Variants in KCNQ1OT1 observed in about 807,000 individuals in gnomAD.
The protein encoded by KCNQ1OT1 is KCNQ1 antisense RNA 2 (non-protein coding).
At position 2,682,925 on chromosome 11, in the gene KCNQ1OT1, T is replaced by C. The variant is rs60837062; in HGVS notation, n.17070A>G. The C allele has an allele frequency of 0.02, 7,992 of 398,566 alleles. 188 individuals are homozygous for C. The highest frequency in any genetic ancestry group is 0.063 in the South Asian group (491 of 7,844). The allele number at this position is 398,566 out of a possible 1,614,324, so 24.7% of individuals were successfully genotyped here. A position where few individuals can be genotyped will look rare whatever the true frequency, so the allele number is the denominator to read the frequency against. The stretch of plus-strand genomic sequence containing the variant: ...AAAATGGTGGCACCTGGAGAGGTGC[T>C]CAGGTCTGTGTGGAAGAAAGGACAG... On this transcript the variant is annotated non_coding_transcript_exon_variant, in exon 1 of 1. Coordinates refer to ENST00000597346, the Ensembl canonical transcript of KCNQ1OT1. The surrounding 1 kb of genome is among the most constrained non-coding windows in gnomAD (Gnocchi z 5.8).
chr11:2,663,550 T>C lies in KCNQ1OT1; in HGVS notation n.36445A>G, dbSNP rs144058901. The C allele has an allele frequency of 2.9e-3, 1,162 of 398,658 alleles. 7 individuals are homozygous for C. Among genetic ancestry groups the C allele is most frequent in the Non-Finnish European group, 2.9e-3 (645 of 226,098 alleles). 24.7% of individuals were successfully genotyped at this position (398,658 alleles called of 1,614,324 possible). A position where few individuals can be genotyped will look rare whatever the true frequency, so the allele number is the denominator to read the frequency against. On this transcript the variant is annotated non_coding_transcript_exon_variant, in exon 1 of 1. Coordinates refer to ENST00000597346, the Ensembl canonical transcript of KCNQ1OT1. This position sits in a 1 kb window ranked among gnomAD's most constrained non-coding sequence, Gnocchi z 5.2. Reference sequence around the variant, plus strand: ...CCCTCAGAGAGGGGACTGTCCCTTCTCATCCTTCTGGCTGCTTGCTTCTCC... The same window carrying C: ...CCCTCAGAGAGGGGACTGTCCCTTCCCATCCTTCTGGCTGCTTGCTTCTCC...
chr11:2,657,011 C>G lies in KCNQ1OT1; in HGVS notation n.42984G>C. 1 of 398,632 alleles carries G rather than the reference C, an allele frequency of 2.5e-6. No individual in the cohort carries two copies. Among genetic ancestry groups the G allele is most frequent in the South Asian group, 1.3e-4 (1 of 7,856 alleles). The allele number at this position is 398,632 out of a possible 1,614,324, so 24.7% of individuals were successfully genotyped here. A position where few individuals can be genotyped will look rare whatever the true frequency, so the allele number is the denominator to read the frequency against. On this transcript the variant is annotated non_coding_transcript_exon_variant, in exon 1 of 1. Transcript: ENST00000597346. This position sits in a 1 kb window ranked among gnomAD's most constrained non-coding sequence, Gnocchi z 4.8. ...TCTTCCCAGGATGTGCAGGCCACCT[C>G]TGATACACAGCAAGCTTCCATATTT...
chr11:2,643,615 CT>C (rs1002428019), exon 1 of KCNQ1OT1: 1 of 398,316 alleles, frequency 2.5e-6, no homozygotes, highest in African/African-American at 2.1e-5. Context: ...GCCAGTCTGT[CT>C]TTTAAGTAGA....
At position 2,654,227 on chromosome 11, in the gene KCNQ1OT1, G is replaced by A. The variant is rs542701815; in HGVS notation, n.45768C>T. ...ACGCAGGGCCTGGCTGCAGCTGTCCGGATGCCCCTGGGGAGGGCTTCTCCT... is the reference window on the plus strand; with the variant it reads ...ACGCAGGGCCTGGCTGCAGCTGTCCAGATGCCCCTGGGGAGGGCTTCTCCT... On this transcript the variant is annotated non_coding_transcript_exon_variant, in exon 1 of 1. Coordinates refer to ENST00000597346, the Ensembl canonical transcript of KCNQ1OT1. This position sits in a 1 kb window ranked among gnomAD's most constrained non-coding sequence, Gnocchi z 6.4. 216 of 398,772 alleles carry A rather than the reference G, an allele frequency of 5.4e-4. No homozygotes were observed. Among genetic ancestry groups the A allele is most frequent in the Non-Finnish European group, 8.2e-4 (186 of 226,216 alleles). The allele number at this position is 398,772 out of a possible 1,614,324, so 24.7% of individuals were successfully genotyped here.
At position 2,647,987 on chromosome 11, in the gene KCNQ1OT1, G is replaced by T. The variant is rs972918912; in HGVS notation, n.52008C>A. The T allele has an allele frequency of 1.9e-4, 75 of 397,604 alleles. No individual in the cohort carries two copies. Among genetic ancestry groups the T allele is most frequent in the Admixed American group, 5.3e-4 (12 of 22,680 alleles). 24.6% of individuals were successfully genotyped at this position (397,604 alleles called of 1,614,324 possible). Reference sequence around the variant, plus strand: ...CCAGTACTTTGGAAGGCCAAGGCAGGCCGATCGCTTGAGTCCAGGAGTTTG... The same window carrying T: ...CCAGTACTTTGGAAGGCCAAGGCAGTCCGATCGCTTGAGTCCAGGAGTTTG... On this transcript the variant is annotated non_coding_transcript_exon_variant, in exon 1 of 1. Coordinates refer to ENST00000597346, the Ensembl canonical transcript of KCNQ1OT1. This position sits in a 1 kb window ranked among gnomAD's most constrained non-coding sequence, Gnocchi z 4.0.
exon 1 of KCNQ1OT1, chr11:2,699,928 C>T (rs986707699): frequency 7.5e-6 from 3 of 398,298 alleles, no homozygotes; most frequent in East Asian, 3.6e-5. Flanking sequence ...CGCTGAGGGG[C>T]GCCCTGGCAG....
chr11:2,648,029 C>T (rs1849692895), exon 1 of KCNQ1OT1: 3 of 391,812 alleles, frequency 7.7e-6, no homozygotes, highest in Non-Finnish European at 1.3e-5. Context: ...GCCTGAGCAA[C>T]ATGGCAAACC....
chr11:2,693,787 A>G (rs760044940), exon 1 of KCNQ1OT1: 1 of 398,836 alleles, frequency 2.5e-6, no homozygotes, highest in Non-Finnish European at 4.4e-6. Flanking sequence ...CGGCCAGTTC[A>G]GAGGAGCATG....
chr11:2,640,624 C>T (rs764602236), exon 1 of KCNQ1OT1: 1 of 396,922 alleles, frequency 2.5e-6, no homozygotes, highest in African/African-American at 2.1e-5. Flanking sequence ...TTGTTACATG[C>T]ATCGAATGTG....
chr11:2,615,510 T>C, exon 1 of KCNQ1OT1: 1 of 398,054 alleles, frequency 2.5e-6, no homozygotes, highest in East Asian at 3.6e-5. Flanking sequence ...TCAGTTTTTT[T>C]TCTCATTAAG....
chr11:2,672,751 G>A (rs1394148548), exon 1 of KCNQ1OT1: 2 of 398,646 alleles, frequency 5.0e-6, no homozygotes, highest in Non-Finnish European at 8.8e-6. Flanking sequence ...TTTTTTGCTG[G>A]TCCAGCATGG....
chr11:2,637,523 G>A (rs149483127), exon 1 of KCNQ1OT1: 1 of 152,152 alleles, frequency 6.6e-6, no homozygotes, highest in African/African-American at 2.4e-5. Context: ...CTGAGTTCTA[G>A]TTTGATTGCA....
Position 2,653,033 on chromosome 11 carries a change from A to G in KCNQ1OT1, n.46962T>C, listed in dbSNP as rs139000556. 2 of 398,534 alleles carry G rather than the reference A, an allele frequency of 5.0e-6. No individual in the cohort carries two copies. The highest frequency in any genetic ancestry group is 8.8e-6 in the Non-Finnish European group (2 of 226,086). The allele number at this position is 398,534 out of a possible 1,614,324, so 24.7% of individuals were successfully genotyped here. A position where few individuals can be genotyped will look rare whatever the true frequency, so the allele number is the denominator to read the frequency against. On this transcript the variant is annotated non_coding_transcript_exon_variant, in exon 1 of 1. Transcript: ENST00000597346. The surrounding 1 kb of genome is among the most constrained non-coding windows in gnomAD (Gnocchi z 5.3). ...ATCTATTCTGCACACCTTTGATCCA[A>G]TGTGAGATCCAACATGTTCCATAAT...
In KCNQ1OT1 at chr11:2,699,775, C is replaced by T. The variant is rs868699206; in HGVS notation, n.220G>A. ...AGAAGAGCGCCGCGCTGAGGAGCCC[C>T]GAGGAGAACCGCGCCGAGGGGCGCG... is the stretch of plus-strand genomic sequence containing the variant. On this transcript the variant is annotated non_coding_transcript_exon_variant, in exon 1 of 1. Coordinates refer to ENST00000597346, the Ensembl canonical transcript of KCNQ1OT1. 1.6e-4 allele frequency: 65 copies of T among 397,822 alleles called. No individual in the cohort carries two copies. In the Middle Eastern group the frequency reaches 3.1e-3, roughly 19 times the overall value. 24.6% of individuals were successfully genotyped at this position (397,822 alleles called of 1,614,324 possible).
exon 1 of KCNQ1OT1, chr11:2,655,843 T>A: frequency 2.5e-6 from 1 of 398,624 alleles, no homozygotes. Flanking sequence ...TAACCTCTCC[T>A]CTTGAATTGG....
At chr11:2,693,796 T>C (rs1850628911) in exon 1 of KCNQ1OT1, 1 of 398,694 alleles carries the variant, frequency 2.5e-6, no homozygotes, top group Non-Finnish European at 4.4e-6. Flanking sequence ...CAGAGGAGCA[T>C]GGCACAGGCT....
In KCNQ1OT1 at chr11:2,698,616, C is replaced by T. The variant is rs1036972323; in HGVS notation, n.1379G>A. 23 of 398,442 alleles carry T rather than the reference C, an allele frequency of 5.8e-5. No individual in the cohort carries two copies. The highest frequency in any genetic ancestry group is 4.3e-4 in the African/African-American group (21 of 48,576). 24.7% of individuals were successfully genotyped at this position (398,442 alleles called of 1,614,324 possible). ...GAACTTCGACTTCAATTCCTGACTC[C>T]CATACCCCACTGAGACCTCTAACCC... is the stretch of plus-strand genomic sequence containing the variant. On this transcript the variant is annotated non_coding_transcript_exon_variant, in exon 1 of 1. Coordinates refer to ENST00000597346, the Ensembl canonical transcript of KCNQ1OT1. This position sits in a 1 kb window ranked among gnomAD's most constrained non-coding sequence, Gnocchi z 5.1.
chr11:2,675,891 A>G (rs1273432089), exon 1 of KCNQ1OT1: 1 of 398,560 alleles, frequency 2.5e-6, no homozygotes, highest in Non-Finnish European at 4.4e-6. Context: ...TGCTTTATGT[A>G]TTCAAGGGTT....
At chr11:2,629,116 A>G (rs1217578489) in exon 1 of KCNQ1OT1, 5 of 397,906 alleles carry the variant, frequency 1.3e-5, no homozygotes, top group South Asian at 1.3e-4. Flanking sequence ...TTTTTTGTCT[A>G]TATCTGTGAA....
Sources: allele counts gnomAD v4.1 joint callset, GRCh38; gene constraint gnomAD v4.1.1; non-coding constraint Gnocchi (gnomAD v3.1); transcripts MANE v1.5; gene names NCBI Gene and HGNC (gene_info 2026-07-23, HGNC 2026-07-21).